BEND7: variants seen among roughly 807,000 people sequenced by gnomAD.
BEND7 encodes BEN domain-containing protein 7.
In BEND7, 28 loss-of-function variants were observed where a neutral mutation model predicts 50.9. The ratio of observed to expected loss-of-function variants is 0.55; its 90% CI spans 0.41 to 0.75. BEND7 has a LOEUF of 0.75. BEND7 is among the 30% of genes least tolerant of loss of function. The pLI is 0.00. For synonymous variants in BEND7, 170 were observed against 183.9 expected (o/e 0.92, Z 0.61); for missense variants, 477 against 491.3 (o/e 0.97, Z 0.28).
chr10:13,480,578 CAT>C, intron 6 of BEND7: 1 of 904,742 alleles, frequency 1.1e-6, no homozygotes, highest in Non-Finnish European at 1.3e-6. Flanking sequence ...AAGTTGAAGT[CAT>C]ATTCTGAGGA....
intron 6 of BEND7, chr10:13,460,000 A>C (rs1015850184): frequency 3.9e-5 from 6 of 152,208 alleles, no homozygotes; most frequent in Admixed American, 6.5e-5. Context: ...CCCTTGACCT[A>C]AGGGGAGCCA....
At chr10:13,443,372 C>T (rs1020334248) in intron 8 of BEND7, 4 of 152,670 alleles carry the variant, frequency 2.6e-5, no homozygotes, top group Non-Finnish European at 4.4e-5. Context: ...CTGTGTCCTC[C>T]GTGTTTTCTC....
intron 2 of BEND7, among the ~76,000 whole-genome samples, chr10:13,506,622 T>C (rs1175155377): frequency 6.6e-6 from 1 of 152,162 alleles, no homozygotes. Context: ...TAATCAGATA[T>C]ATCCTACACA....
At chr10:13,470,223 T>C (rs4748036) in intron 6 of BEND7, among the ~76,000 whole-genome samples, 86,623 of 152,072 alleles carry the variant, frequency 0.57, 25,047 homozygotes, top group East Asian at 0.75. Flanking sequence ...CTGGCACATA[T>C]GGAGCCATTG....
chr10:13,467,079 G>A (rs11818142), intron 6 of BEND7, among the ~76,000 whole-genome samples: 7,169 of 152,182 alleles, frequency 0.047, 523 homozygotes, highest in African/African-American at 0.15. Flanking sequence ...GAAGATGCTG[G>A]GGCGTCAGGA....
At chr10:13,479,839 G>T (rs1261174412) in intron 6 of BEND7, among the ~76,000 whole-genome samples, 1 of 152,166 alleles carries the variant, frequency 6.6e-6, no homozygotes, top group African/African-American at 2.4e-5. Flanking sequence ...AGGGTGCTTG[G>T]TACTTGCTAG....
chr10:13,454,174 G>A (rs1444079957), intron 6 of BEND7, among the ~76,000 whole-genome samples: 1 of 152,160 alleles, frequency 6.6e-6, no homozygotes, highest in East Asian at 1.9e-4. Flanking sequence ...GAAAGGGAAG[G>A]TGTGTGAGCT....
intron 2 of BEND7, among the ~76,000 whole-genome samples, chr10:13,523,637 A>G (rs1483318765): frequency 6.6e-6 from 1 of 152,218 alleles, no homozygotes; most frequent in Non-Finnish European, 1.5e-5. Flanking sequence ...ATATAATTCT[A>G]CATCTTTATG....
At chr10:13,456,016 G>C (rs957546769) in intron 6 of BEND7, among the ~76,000 whole-genome samples, 1 of 152,130 alleles carries the variant, frequency 6.6e-6, no homozygotes, top group African/African-American at 2.4e-5. Context: ...TGGTAGGGCT[G>C]GTCTAGGCTC....
At position 13,447,285 on chromosome 10, in the gene BEND7, G is replaced by A. The variant is rs140668192; in HGVS notation, c.1215C>T (p.Gly405=). Residue 405 remains glycine, a synonymous_variant, in exon 8 of 9, where the codon GGC becomes GGT. Coordinates refer to ENST00000466271, the MANE Select transcript of BEND7 (RefSeq NM_001369863.1). ...EIADSDERLD[G]IALPPTVV is the part of the protein sequence containing the mutation. The stretch of plus-strand genomic sequence containing the variant: ...ATTTACCTGTTGGTGGTAGAGCAAT[G>A]CCGTCCAGTCTTTCATCACTGTCCG... 4.3e-6 allele frequency: 7 copies of A among 1,614,024 alleles called. No individual in the cohort carries two copies. The highest frequency in any genetic ancestry group is 5.9e-6 in the Non-Finnish European group (7 of 1,180,024).
intron 5 of BEND7, among the ~76,000 whole-genome samples, chr10:13,484,402 G>C (rs925443364): frequency 2.6e-5 from 4 of 152,214 alleles, no homozygotes; most frequent in African/African-American, 9.7e-5. Flanking sequence ...TGTAATCACA[G>C]TGGATTACTA....
At chr10:13,478,923 T>C (rs1055785018) in intron 6 of BEND7, among the ~76,000 whole-genome samples, 2 of 152,082 alleles carry the variant, frequency 1.3e-5, no homozygotes, top group Non-Finnish European at 2.9e-5. Context: ...CTTTATTATA[T>C]ATTGGGAGCA....
chr10:13,524,403 G>A (rs2079291360), intron 2 of BEND7, among the ~76,000 whole-genome samples: 1 of 152,150 alleles, frequency 6.6e-6, no homozygotes, highest in African/African-American at 2.4e-5. Flanking sequence ...AGCACTTTGG[G>A]AGGCTGAGGC....
chr10:13,469,130 G>C (rs2153442), intron 6 of BEND7, among the ~76,000 whole-genome samples: 2 of 151,998 alleles, frequency 1.3e-5, no homozygotes, highest in Non-Finnish European at 2.9e-5. Flanking sequence ...TTAAAATAAC[G>C]AAGATTGGAT....
At chr10:13,440,373 A>G (rs372989291), downstream of BEND7, among the ~76,000 whole-genome samples, 187 of 152,340 alleles carry the variant, frequency 1.2e-3, 6 homozygotes, top group South Asian at 0.03. Flanking sequence ...GGACACCTGC[A>G]AGACTCACGG....
At chr10:13,508,875 C>T (rs1320513086) in intron 2 of BEND7, among the ~76,000 whole-genome samples, 1 of 152,158 alleles carries the variant, frequency 6.6e-6, no homozygotes, top group African/African-American at 2.4e-5. Flanking sequence ...TTCTGATCGA[C>T]GGGCAGGCCT....
At chr10:13,486,630 G>T (rs940627905) in intron 5 of BEND7, among the ~76,000 whole-genome samples, 1 of 152,204 alleles carries the variant, frequency 6.6e-6, no homozygotes, top group Admixed American at 6.5e-5. Context: ...TGTTGAATGG[G>T]ATAAAAATGA....
intron 7 of BEND7, among the ~76,000 whole-genome samples, chr10:13,447,873 C>T (rs919307702): frequency 1.3e-5 from 2 of 152,090 alleles, no homozygotes; most frequent in Non-Finnish European, 2.9e-5. Context: ...GCTTGAATAT[C>T]GAACCAGCAT....
chr10:13,444,579 C>G (rs191392358), intron 8 of BEND7: 1 of 152,182 alleles, frequency 6.6e-6, no homozygotes, highest in Non-Finnish European at 1.5e-5. Context: ...AGCCCTTGGT[C>G]GATCCTGTGG....
Sources: gnomAD v4.1 joint callset for allele counts (sites outside exome capture counted in the v4.1 genomes callset) on GRCh38, gnomAD v4.1.1 for gene constraint, MANE v1.5 for transcripts, NCBI Gene and HGNC (gene_info 2026-07-23, HGNC 2026-07-21) for gene names.